Variants in PLA2G2A observed in about 807,000 individuals in gnomAD.
The protein encoded by PLA2G2A is phospholipase A2, membrane associated.
Under a neutral mutation model 11.2 loss-of-function variants are expected in PLA2G2A, and 6 were observed. The observed-to-expected ratio is 0.54, with a 90% CI of 0.29 to 1.06. The LOEUF is 1.06. PLA2G2A is among the 50% of genes least tolerant of loss of function. The pLI is 0.08. For synonymous variants in PLA2G2A, 69 were observed against 65.8 expected (o/e 1.05, Z -0.23); for missense variants, 133 against 177.1 (o/e 0.75, Z 1.41).
At chr1:19,977,990 C>T in intron 4 of PLA2G2A, 25 bp downstream of exon 4, 1 of 1,362,404 alleles carries the variant, frequency 7.3e-7, no homozygotes, top group Non-Finnish European at 1.1e-6. Flanking sequence ...ATGAGGGCCA[C>T]TCGATGGTGA....
At chr1:19,975,504 A>G, downstream of PLA2G2A, 1 of 622,836 alleles carries the variant, frequency 1.6e-6, no homozygotes, top group Non-Finnish European at 2.9e-6. Context: ...CACGGAGTTG[A>G]GGTGGAGGAG....
At chr1:19,975,586 T>A (rs1484505541), downstream of PLA2G2A, 2 of 972,784 alleles carry the variant, frequency 2.1e-6, no homozygotes, top group Non-Finnish European at 3.3e-6. Flanking sequence ...GCCTGGCCTC[T>A]AGGATGGGTG....
chr1:19,976,518 C>A (rs981376297), intron 4 of PLA2G2A, among the ~76,000 whole-genome samples: 2 of 152,182 alleles, frequency 1.3e-5, no homozygotes, highest in African/African-American at 4.8e-5. Flanking sequence ...AGTCACATAT[C>A]CCCATTATGC....
chr1:19,978,696 C>T (rs751200649), intron 2 of PLA2G2A, 38 bp downstream of exon 2: 2 of 1,609,170 alleles, frequency 1.2e-6, no homozygotes, highest in South Asian at 1.1e-5. Context: ...CCTTCTGGGG[C>T]TGTCCCCCCA....
At chr1:19,978,237 G>T in intron 3 of PLA2G2A, 116 bp from the exon 4 acceptor site, 1 of 1,341,478 alleles carries the variant, frequency 7.5e-7, no homozygotes. Context: ...ACAGTCTAGA[G>T]CAGAAGTTCC....
chr1:19,978,627 T>A, intron 2 of PLA2G2A, 103 bp from the exon 3 acceptor site: 1 of 1,600,116 alleles, frequency 6.2e-7, no homozygotes. Context: ...TGGCTTCTTT[T>A]TTCCCCCTGA....
chr1:19,978,064 G>A, exon 4 of PLA2G2A: 1 of 1,613,894 alleles, frequency 6.2e-7, no homozygotes. Context: ...TCAGAAATTT[G>A]GTGCCACATC....
Position 19,978,531 on chromosome 1 carries a change from G to A in PLA2G2A, c.41-7C>T. ...CCATGGGCCTGCAGTAGGCCTGGAA[G>A]GAAATTTGGGAGTTGTCTGGTGATG... On this transcript the variant is annotated splice_region_variant and splice_polypyrimidine_tract_variant and intron_variant, in intron 2 of 4. Transcript: ENST00000482011. The A allele has an allele frequency of 1.2e-6, 2 of 1,613,346 alleles. No homozygotes were observed. The highest frequency in any genetic ancestry group is 1.7e-6 in the Non-Finnish European group (2 of 1,180,030).
chr1:19,978,452 G>A, exon 3 of PLA2G2A: 1 of 1,613,802 alleles, frequency 6.2e-7, no homozygotes, highest in Non-Finnish European at 8.5e-7. Flanking sequence ...ATAACTGAGT[G>A]CGGCTTCCTT....
chr1:19,976,898 G>T (rs369635757), intron 4 of PLA2G2A, among the ~76,000 whole-genome samples: 1 of 152,210 alleles, frequency 6.6e-6, no homozygotes, highest in African/African-American at 2.4e-5. Flanking sequence ...ACATCCAGGG[G>T]AGCCTTGTTG....
At chr1:19,977,429 T>C (rs11573167) in intron 4 of PLA2G2A, among the ~76,000 whole-genome samples, 6 of 152,242 alleles carry the variant, frequency 3.9e-5, no homozygotes, top group Non-Finnish European at 5.9e-5. Context: ...CTTGCCTGCA[T>C]GATGGCAATA....
At chr1:19,975,652 A>G, downstream of PLA2G2A, 2 of 1,569,462 alleles carry the variant, frequency 1.3e-6, no homozygotes, top group Non-Finnish European at 1.8e-6. Context: ...GGAGGGTATG[A>G]GAGAGGGAAA....
chr1:19,979,101 T>C (rs2046267581), intron 1 of PLA2G2A: 1 of 402,928 alleles, frequency 2.5e-6, no homozygotes, highest in African/African-American at 2.0e-5. Context: ...AGACCTCCCC[T>C]GTACCTCATC....
At chr1:19,978,639 A>G (rs2046259389) in intron 2 of PLA2G2A, 95 bp downstream of exon 2, 1 of 1,594,870 alleles carries the variant, frequency 6.3e-7, no homozygotes, top group Non-Finnish European at 8.6e-7. Flanking sequence ...TCCCCCTGAG[A>G]GAGGATCACT....
In PLA2G2A at chr1:19,975,853, TAAGAA is replaced by T; in HGVS notation, c.293-15_293-11del. On this transcript the variant is annotated splice_polypyrimidine_tract_variant and intron_variant, in intron 4 of 4. Transcript: ENST00000482011. The stretch of plus-strand genomic sequence containing the variant: ...CAGGAGTCCTGTTTTGCTGAAATCA[TAAGAA>T]AATAAACACAAGATGGGAGTTTATT... 1 of 1,612,872 alleles carries T rather than the reference TAAGAA, an allele frequency of 6.2e-7. No individual in the cohort carries two copies.
chr1:19,975,902 G>T, intron 4 of PLA2G2A, 59 bp from the exon 5 acceptor site: 3 of 1,486,006 alleles, frequency 2.0e-6, no homozygotes, highest in South Asian at 2.3e-5. Context: ...GTGGCTTCTT[G>T]TGGGAACCCT....
chr1:19,979,530 T>A (rs11573157), intron 1 of PLA2G2A, 50 bp downstream of exon 1: 1 of 152,886 alleles, frequency 6.5e-6, no homozygotes, highest in African/African-American at 2.4e-5. Context: ...AGGCAGCGAA[T>A]GAGCAGGAAT....
At chr1:19,980,086 C>T (rs2046279718), upstream of PLA2G2A, among the ~76,000 whole-genome samples, 1 of 152,178 alleles carries the variant, frequency 6.6e-6, no homozygotes, top group East Asian at 1.9e-4. Context: ...GCCGCTCAAT[C>T]ATTCATTCAC....
intron 4 of PLA2G2A, 151 bp downstream of exon 4, chr1:19,977,864 C>T (rs1451627006): frequency 1.1e-5 from 8 of 695,730 alleles, no homozygotes; most frequent in Admixed American, 2.0e-5. Flanking sequence ...GTCTTTACTA[C>T]ATTGGATTTT....
Sources: allele counts gnomAD v4.1 joint callset (sites outside exome capture counted in the v4.1 genomes callset), GRCh38; gene constraint gnomAD v4.1.1; transcripts MANE v1.5; gene names NCBI Gene and HGNC (gene_info 2026-07-23, HGNC 2026-07-21).